Variants in CD2 observed in about 807,000 individuals in gnomAD.
CD2 encodes CD2 molecule, also known as T-cell surface antigen CD2.
A neutral mutation model predicts 23.2 loss-of-function variants in CD2; 18 were observed. That is an observed-to-expected ratio of 0.77 (90% CI 0.54 to 1.15). The LOEUF (loss-of-function observed/expected upper bound fraction) is 1.15, where lower values mean the gene tolerates loss of function less well. Ranked by LOEUF, CD2 falls within the 50% of genes most tolerant of loss-of-function variation. The pLI is 0.00. For missense variants in CD2, 424 were observed against 423.1 expected (o/e 1.00, Z -0.02); for synonymous variants, 162 against 151.9 (o/e 1.07, Z -0.49).
chr1:116,767,368 C>A (rs1652246050), intron 4 of CD2, among the ~76,000 whole-genome samples: 1 of 152,034 alleles, frequency 6.6e-6, no homozygotes, highest in African/African-American at 2.4e-5. Flanking sequence ...CCAAGGCAGG[C>A]AGATCACCTG....
intron 3 of CD2, 67 bp from the exon 4 acceptor site, chr1:116,764,417 C>A (rs1652150174): frequency 6.3e-7 from 1 of 1,577,328 alleles, no homozygotes; most frequent in Admixed American, 1.8e-5. Context: ...AGGCAGCATC[C>A]TTGGCCAGAG....
At chr1:116,763,161 C>T (rs1652109840) in intron 3 of CD2, among the ~76,000 whole-genome samples, 1 of 152,218 alleles carries the variant, frequency 6.6e-6, no homozygotes, top group African/African-American at 2.4e-5. Context: ...CTGGTGGAGG[C>T]CTCTTCATCA....
At position 116,764,617 on chromosome 1, in the gene CD2, CCT is replaced by C; in HGVS notation, c.736+14_736+15del. 1 of 1,610,324 alleles carries C rather than the reference CCT, an allele frequency of 6.2e-7. No individual in the cohort carries two copies. The highest frequency in any genetic ancestry group is 8.5e-7 in the Non-Finnish European group (1 of 1,176,772). On this transcript the variant is annotated intron_variant, in intron 4 of 4. Coordinates refer to ENST00000369478, the MANE Select transcript of CD2 (RefSeq NM_001767.5). ...GGAGTCGGAGAAATGGTAAGCTCCC[CCT>C]CTTTTGTCCCACCGCAGGCCCCAGC...
At chr1:116,764,380 C>A in intron 3 of CD2, 104 bp from the exon 4 acceptor site, 2 of 1,508,686 alleles carry the variant, frequency 1.3e-6, no homozygotes, top group South Asian at 1.4e-5. Context: ...AAGGTCCCAA[C>A]AAGCTCTTCT....
chr1:116,761,412 A>G (rs1214135439), intron 3 of CD2, among the ~76,000 whole-genome samples: 1 of 152,088 alleles, frequency 6.6e-6, no homozygotes, highest in East Asian at 1.9e-4. Context: ...GAAAATAAGC[A>G]CCATGTTCAC....
At chr1:116,767,816 G>T (rs1036098399) in intron 4 of CD2, among the ~76,000 whole-genome samples, 1 of 152,022 alleles carries the variant, frequency 6.6e-6, no homozygotes, top group African/African-American at 2.4e-5. Context: ...ACTACATTAC[G>T]AGTAGCTGTA....
At chr1:116,761,327 G>A (rs1182861892) in intron 3 of CD2, among the ~76,000 whole-genome samples, 1 of 152,174 alleles carries the variant, frequency 6.6e-6, no homozygotes, top group Non-Finnish European at 1.5e-5. Context: ...TCTAGTTTGG[G>A]TCTGTCCAAA....
At position 116,760,460 on chromosome 1, in the gene CD2, G is replaced by A. The variant is rs1390047885; in HGVS notation, c.441G>A (p.Glu147=). 4 of 1,614,050 alleles carry A rather than the reference G, an allele frequency of 2.5e-6. No homozygotes were observed. The highest frequency in any genetic ancestry group is 3.4e-6 in the Non-Finnish European group (4 of 1,180,040). ...GTATCAACACAACCCTGACCTGTGA[G>A]GTAATGAATGGAACTGACCCCGAAT... is the stretch of plus-strand genomic sequence containing the variant. ...WTCINTTLTC[E]VMNGTDPELN... is the part of the protein sequence containing the mutation. The change falls in exon 3 of 5, where the codon GAG becomes GAA. Residue 147 remains glutamate, a synonymous_variant. Coordinates refer to ENST00000369478, the MANE Select transcript of CD2 (RefSeq NM_001767.5).
At chr1:116,763,182 G>A (rs1652110350) in intron 3 of CD2, among the ~76,000 whole-genome samples, 1 of 152,198 alleles carries the variant, frequency 6.6e-6, no homozygotes, top group Non-Finnish European at 1.5e-5. Flanking sequence ...GTAGAGCTTA[G>A]AGAGTTGTGT....
chr1:116,756,133 A>G (rs1651841115), intron 2 of CD2, among the ~76,000 whole-genome samples: 1 of 152,110 alleles, frequency 6.6e-6, no homozygotes. Context: ...CCCTGAAGTG[A>G]CAACTTTCCA....
At chr1:116,761,120 G>T (rs1385266331) in intron 3 of CD2, among the ~76,000 whole-genome samples, 2 of 152,180 alleles carry the variant, frequency 1.3e-5, no homozygotes, top group Admixed American at 1.3e-4. Context: ...TGAGGCCAAA[G>T]AGGACTGTGG....
At chr1:116,765,852 C>T (rs1652200591) in intron 4 of CD2, among the ~76,000 whole-genome samples, 1 of 152,264 alleles carries the variant, frequency 6.6e-6, no homozygotes, top group Non-Finnish European at 1.5e-5. Flanking sequence ...TGATGGTTAG[C>T]TCATGCTGAT....
intron 2 of CD2, 159 bp downstream of exon 2, chr1:116,755,110 C>T: frequency 1.6e-6 from 1 of 620,306 alleles, no homozygotes; most frequent in Non-Finnish European, 2.9e-6. Flanking sequence ...GACTGTGGTC[C>T]AATGCGGGAA....
Position 116,754,889 on chromosome 1 carries a change from T to C in CD2, c.320T>C (p.Val107Ala). The change falls in exon 2 of 5, where the codon GTA becomes GCA. Residue 107 changes from valine to alanine, a missense_variant. By Grantham distance (64) the Val-to-Ala change is moderately conservative. Transcript: ENST00000369478. ...LKTDDQDIYK[V>A]SIYDTKGKNV... ...ACCGATGATCAGGATATCTACAAGGTATCAATATATGATACAAAAGGAAAA... is the reference window on the plus strand; with the variant it reads ...ACCGATGATCAGGATATCTACAAGGCATCAATATATGATACAAAAGGAAAA... 1.9e-6 allele frequency: 3 copies of C among 1,609,386 alleles called. No individual in the cohort carries two copies. Among genetic ancestry groups the C allele is most frequent in the Non-Finnish European group, 2.5e-6 (3 of 1,178,116 alleles).
chr1:116,768,431 A>G, intron 4 of CD2, 33 bp from the exon 5 acceptor site: 1 of 1,593,442 alleles, frequency 6.3e-7, no homozygotes, highest in South Asian at 1.1e-5. Flanking sequence ...TCACCTGGCC[A>G]AGATGAACTC....
chr1:116,762,050 G>A (rs1171923696), intron 3 of CD2, among the ~76,000 whole-genome samples: 7 of 151,742 alleles, frequency 4.6e-5, no homozygotes, highest in African/African-American at 1.7e-4. Context: ...GGCTGGTCTC[G>A]AACTCCTGTG....
intron 2 of CD2, among the ~76,000 whole-genome samples, chr1:116,758,627 A>C (rs1261372387): frequency 6.6e-6 from 1 of 152,160 alleles, no homozygotes; most frequent in African/African-American, 2.4e-5. Flanking sequence ...GAAACCACAG[A>C]TCTCAGGACT....
At chr1:116,768,401 A>G in intron 4 of CD2, 63 bp from the exon 5 acceptor site, 1 of 1,483,338 alleles carries the variant, frequency 6.7e-7, no homozygotes, top group Non-Finnish European at 9.2e-7. Flanking sequence ...TATAAAAGGT[A>G]CTCAATATTT....
chr1:116,763,612 C>T (rs2101166491), intron 3 of CD2, among the ~76,000 whole-genome samples: 1 of 152,312 alleles, frequency 6.6e-6, no homozygotes, highest in East Asian at 1.9e-4. Context: ...CTTTCATATC[C>T]ATTATCTGAT....
Sources: allele counts gnomAD v4.1 joint callset (sites outside exome capture counted in the v4.1 genomes callset), GRCh38; gene constraint gnomAD v4.1.1; transcripts MANE v1.5; gene names NCBI Gene and HGNC (gene_info 2026-07-23, HGNC 2026-07-21).